The following RHNO1 variants were observed in gnomAD, a reference collection of about 807,000 sequenced individuals.
RHNO1 encodes the protein RAD9, HUS1, RAD1-interacting nuclear orphan protein 1.
RHNO1 carries 9 observed loss-of-function variants against 7.2 expected under a neutral mutation model. The observed-to-expected ratio is 1.25, with a 90% CI of 0.75 to 2.18. The LOEUF is 2.18. Ranked by LOEUF, RHNO1 falls within the 30% of genes most tolerant of loss-of-function variation. The pLI, the probability that RHNO1 is intolerant of heterozygous loss-of-function variation, is 0.00. For synonymous variants in RHNO1, 95 were observed against 107.5 expected, an observed-to-expected ratio of 0.88 and a Z score of 0.72; for missense variants, 292 against 284.5, an observed-to-expected ratio of 1.03 and a Z score of -0.19.
In RHNO1 at chr12:2,884,786, C is replaced by T. The variant is rs577110103; in HGVS notation, c.-84-497C>T. On this transcript the variant is annotated intron_variant, in intron 1 of 2. Coordinates refer to ENST00000489288, the MANE Select transcript of RHNO1 (RefSeq NM_001252499.3). ...GTAATTCCCAGAATTCACAATACTC[C>T]GTCTCGTCTCCATGCCTTTGTGTAC... Among the ~76,000 whole-genome samples, 9 of 152,178 alleles carry T rather than the reference C, an allele frequency of 5.9e-5. No homozygotes were observed. In the South Asian group the frequency reaches 1.9e-3, roughly 32 times the overall value.
At chr12:2,887,561 A>G (rs1003297765) in intron 2 of RHNO1, among the ~76,000 whole-genome samples, 2 of 151,886 alleles carry the variant, frequency 1.3e-5, no homozygotes, top group African/African-American at 4.8e-5. Flanking sequence ...AAGCAGGAGA[A>G]TCACTTGAAC....
At chr12:2,881,468 T>C (rs2098157511) in intron 1 of RHNO1, among the ~76,000 whole-genome samples, 1 of 152,042 alleles carries the variant, frequency 6.6e-6, no homozygotes, top group South Asian at 2.1e-4. Context: ...TTTTATGTTA[T>C]TCTCTGGTAT....
rs1427048977 is a variant in RHNO1, at chr12:2,888,572, G to A, written c.*113G>A. On this transcript the variant is annotated 3_prime_UTR_variant, in exon 3 of 3. Coordinates refer to ENST00000489288, the MANE Select transcript of RHNO1 (RefSeq NM_001252499.3). ...AGATGTAATATTGCTCTGTTGCCCA[G>A]GCTGGAGTGCAGTGGTATGATCTCA... 2 of 929,134 alleles carry A rather than the reference G, an allele frequency of 2.2e-6. No individual in the cohort carries two copies. The highest frequency in any genetic ancestry group is 5.3e-5 in the East Asian group (2 of 37,848). 57.6% of individuals were successfully genotyped at this position (929,134 alleles called of 1,614,324 possible). A position where few individuals can be genotyped will look rare whatever the true frequency, so the allele number is the denominator to read the frequency against.
intron 2 of RHNO1, chr12:2,886,869 T>C (rs1603503305): frequency 4.6e-6 from 2 of 435,018 alleles, no homozygotes; most frequent in South Asian, 3.2e-5. Flanking sequence ...TGGATGAGAG[T>C]AGGAATGAAC....
intron 1 of RHNO1, among the ~76,000 whole-genome samples, chr12:2,880,039 G>A (rs1388700718): frequency 1.3e-5 from 2 of 152,056 alleles, no homozygotes; most frequent in African/African-American, 4.8e-5. Flanking sequence ...AAGTGGGCAG[G>A]GTGTGGTGAT....
At chr12:2,882,040 A>G (rs774771778) in intron 1 of RHNO1, among the ~76,000 whole-genome samples, 1 of 151,878 alleles carries the variant, frequency 6.6e-6, no homozygotes, top group African/African-American at 2.4e-5. Flanking sequence ...CATAGAACCA[A>G]CCTGCTCTGT....
intron 1 of RHNO1, 139 bp from the exon 2 acceptor site, chr12:2,885,142 GTT>G (rs2098163681): frequency 2.3e-5 from 11 of 484,634 alleles, no homozygotes; most frequent in Non-Finnish European, 3.7e-5. Flanking sequence ...TGAATATTGT[GTT>G]TTGCTTGGTG....
At chr12:2,886,828 T>C (rs2098166150) in intron 2 of RHNO1, 2 of 399,550 alleles carry the variant, frequency 5.0e-6, no homozygotes, top group South Asian at 3.5e-5. Flanking sequence ...TGCTACAGGA[T>C]TGTGGAAGAA....
rs539902874 is a variant in RHNO1, at chr12:2,887,978, C to T, written c.236C>T (p.Ala79Val). 2.0e-5 allele frequency: 33 copies of T among 1,613,354 alleles called. No individual in the cohort carries two copies. The African/African-American group carries it at 2.3e-4, about 11-fold the overall frequency. Residue 79 changes from alanine (A) to valine (V), a missense_variant, in exon 3 of 3, where the codon GCG (alanine) becomes GTG (valine). Physicochemically the swap from Ala to Val is moderately conservative, Grantham distance 64. Transcript: ENST00000489288. The stretch of plus-strand genomic sequence containing the variant: ...GCCTACCAGAAACACCAAAACCGGG[C>T]GAGACACTCAAGTCGAAAACCTACC... Reference protein sequence around the residue: ...FPAYQKHQNRARHSSRKPTTS... With the variant: ...FPAYQKHQNRVRHSSRKPTTS...
At position 2,889,312 on chromosome 12, in the gene RHNO1, A is replaced by C. The variant is rs2098169449; in HGVS notation, c.*853A>C. ...GTTCTTTAGGATTGCGTGTGTTTTG[A>C]GTTTTTGTTTCTAACTGAAGAAATC... On this transcript the variant is annotated 3_prime_UTR_variant, in exon 3 of 3. Coordinates refer to ENST00000489288, the MANE Select transcript of RHNO1 (RefSeq NM_001252499.3). The C allele has an allele frequency of 6.6e-6, 1 of 152,168 alleles. No individual in the cohort carries two copies. The highest frequency in any genetic ancestry group is 1.5e-5 in the Non-Finnish European group (1 of 68,042). The allele number at this position is 152,168 out of a possible 1,614,324, so 9.4% of individuals were successfully genotyped here. A position where few individuals can be genotyped will look rare whatever the true frequency, so the allele number is the denominator to read the frequency against.
rs545927531 is a variant in RHNO1, at chr12:2,884,226, A to G, written c.-84-1057A>G. Among the ~76,000 whole-genome samples the G allele has an allele frequency of 4.0e-5, 6 of 150,750 alleles. No individual in the cohort carries two copies. In the East Asian group the frequency reaches 9.8e-4, roughly 25 times the overall value. On this transcript the variant is annotated intron_variant, in intron 1 of 2. Transcript: ENST00000489288. ...CAGGCATGCACCACCACACCCGGCTAATCTTTTTTGTTTGTTTGTTTGTTT... is the reference window on the plus strand; with the variant it reads ...CAGGCATGCACCACCACACCCGGCTGATCTTTTTTGTTTGTTTGTTTGTTT...
Position 2,885,309 on chromosome 12 carries a change from C to T in RHNO1, c.-58C>T, listed in dbSNP as rs1258902986. ...CATGGGTTGGAATTGGAGCCTATCC[C>T]CCAACCCGAAGGCTAACAGCATCAT... On this transcript the variant is annotated 5_prime_UTR_variant, in exon 2 of 3. Coordinates refer to ENST00000489288, the MANE Select transcript of RHNO1 (RefSeq NM_001252499.3). 6.0e-6 allele frequency: 9 copies of T among 1,496,734 alleles called. No homozygotes were observed. The highest frequency in any genetic ancestry group is 2.8e-5 in the African/African-American group (2 of 71,498). The allele number at this position is 1,496,734 out of a possible 1,614,324, so 92.7% of individuals were successfully genotyped here.
chr12:2,881,907 A>C (rs2098158279), intron 1 of RHNO1, among the ~76,000 whole-genome samples: 1 of 151,710 alleles, frequency 6.6e-6, no homozygotes. Flanking sequence ...TCCATCAAAA[A>C]AAAAAAAAAG....
At chr12:2,883,505 ATATATATTTTTTTT>A (rs1360673592) in intron 1 of RHNO1, among the ~76,000 whole-genome samples, 1,319 of 31,400 alleles carry the variant, frequency 0.042, 8 homozygotes, top group South Asian at 0.052. Context: ...ATATATATAT[ATATATATTTTTTTT>A]TTTTTTTTTT....
Position 2,879,508 on chromosome 12 carries a change from A to AT in RHNO1, c.-85+2232dup, listed in dbSNP as rs981896052. On this transcript the variant is annotated intron_variant, in intron 1 of 2. Coordinates refer to ENST00000489288, the MANE Select transcript of RHNO1 (RefSeq NM_001252499.3). Reference sequence around the variant, plus strand: ...CAGCCGTGCCCACCTGATTTTTTGTATTTTTTGTAGAATTTGGGTTTCACT... The same window carrying AT: ...CAGCCGTGCCCACCTGATTTTTTGTATTTTTTTGTAGAATTTGGGTTTCACT... Among the ~76,000 whole-genome samples the AT allele has an allele frequency of 4.2e-4, 63 of 151,472 alleles. 1 individual carries two copies. The highest frequency in any genetic ancestry group is 1.4e-3 in the African/African-American group (58 of 41,156).
chr12:2,877,592 C>CT (rs767464517), intron 1 of RHNO1, among the ~76,000 whole-genome samples: 1 of 152,102 alleles, frequency 6.6e-6, no homozygotes, highest in Admixed American at 6.5e-5. Flanking sequence ...CCCGATTAGA[C>CT]TAAGTTCCTT....
intron 1 of RHNO1, among the ~76,000 whole-genome samples, chr12:2,883,075 A>AAAAAACAAC (rs1555108314): frequency 7.4e-6 from 1 of 134,482 alleles, no homozygotes; most frequent in Non-Finnish European, 1.5e-5. Flanking sequence ...TCAAAAAAAA[A>AAAAAACAAC]AAAAAAAAAA....
At position 2,888,579 on chromosome 12, in the gene RHNO1, G is replaced by A; in HGVS notation, c.*120G>A. 1.2e-6 allele frequency: 1 copy of A among 866,828 alleles called. No homozygotes were observed. Among genetic ancestry groups the A allele is most frequent in the Non-Finnish European group, 1.7e-6 (1 of 586,920 alleles). The allele number at this position is 866,828 out of a possible 1,614,324, so 53.7% of individuals were successfully genotyped here. ...ATATTGCTCTGTTGCCCAGGCTGGA[G>A]TGCAGTGGTATGATCTCACCTTACT... On this transcript the variant is annotated 3_prime_UTR_variant, in exon 3 of 3. Transcript: ENST00000489288.
chr12:2,887,548 C>T (rs2098167096), intron 2 of RHNO1, among the ~76,000 whole-genome samples: 1 of 151,340 alleles, frequency 6.6e-6, no homozygotes, highest in African/African-American at 2.4e-5. Flanking sequence ...ACTCGGGAAG[C>T]TGAAGCAGGA....
Sources: gnomAD v4.1 joint callset for allele counts (sites outside exome capture counted in the v4.1 genomes callset) on GRCh38, gnomAD v4.1.1 for gene constraint, MANE v1.5 for transcripts, NCBI Gene and HGNC (gene_info 2026-07-23, HGNC 2026-07-21) for gene names.